Variants in ZNF229 observed in about 807,000 individuals in gnomAD.
ZNF229 encodes the protein zinc finger protein 229.
A neutral mutation model predicts 11.8 loss-of-function variants in ZNF229; 10 were observed. That is an observed-to-expected ratio of 0.85 (90% CI 0.52 to 1.44). ZNF229 has a LOEUF of 1.44. ZNF229 is among the 40% of genes most tolerant of loss of function. The probability of loss-of-function intolerance (pLI) is 0.00; values close to 1 mark genes in which losing one functional copy is unlikely to be tolerated. For missense variants in ZNF229, 1,045 were observed against 1,015.1 expected (o/e 1.03, Z -0.40); for synonymous variants, 368 against 374.8 (o/e 0.98, Z 0.21).
At chr19:44,447,172 C>G (rs1972017060) in intron 2 of ZNF229, among the ~76,000 whole-genome samples, 2 of 152,170 alleles carry the variant, frequency 1.3e-5, no homozygotes, top group Admixed American at 1.3e-4. Context: ...ATTGGCAAGC[C>G]TGGCACTGTC....
At chr19:44,439,984 T>C (rs1350952184) in intron 4 of ZNF229, among the ~76,000 whole-genome samples, 1 of 152,064 alleles carries the variant, frequency 6.6e-6, no homozygotes, top group African/African-American at 2.4e-5. Context: ...ATACTATGAG[T>C]GAGTATGGCA....
At chr19:44,441,851 C>T (rs1971915849) in intron 4 of ZNF229, among the ~76,000 whole-genome samples, 1 of 152,208 alleles carries the variant, frequency 6.6e-6, no homozygotes, top group African/African-American at 2.4e-5. Context: ...AATACTCCTG[C>T]AGCTGTGTGG....
chr19:44,446,434 T>A (rs1487404410), intron 2 of ZNF229, among the ~76,000 whole-genome samples: 1 of 152,182 alleles, frequency 6.6e-6, no homozygotes, highest in Non-Finnish European at 1.5e-5. Flanking sequence ...AGGAGAGACT[T>A]AACCTTTTGA....
intron 2 of ZNF229, among the ~76,000 whole-genome samples, chr19:44,444,211 G>A (rs753064171): frequency 6.6e-5 from 10 of 152,160 alleles, no homozygotes; most frequent in Non-Finnish European, 1.5e-4. Flanking sequence ...GTGGACATGA[G>A]TTTCCACCCT....
Position 44,429,244 on chromosome 19 carries a change from C to T in ZNF229, c.1537G>A (p.Gly513Arg). Residue 513 changes from glycine to arginine, a missense_variant, in exon 6 of 6, where the codon GGG becomes AGG. Transcript: ENST00000614049. ...YLQAHQRVHM[G>R]QHLYKCNVCG... ...ACGTTACATTTGTACAGATGCTGCC[C>T]CATGTGAACTCTCTGGTGAGCTTGA... The T allele has an allele frequency of 6.2e-7, 1 of 1,613,976 alleles. No individual in the cohort carries two copies. Among genetic ancestry groups the T allele is most frequent in the Non-Finnish European group, 8.5e-7 (1 of 1,180,004 alleles).
At position 44,429,274 on chromosome 19, in the gene ZNF229, AC is replaced by A; in HGVS notation, c.1506del (p.Tyr503ThrfsTer317). 1 of 1,613,880 alleles carries A rather than the reference AC, an allele frequency of 6.2e-7. No individual in the cohort carries two copies. Reference protein sequence around the residue: ...DKCGKGFSHNSYLQAHQRVHM... With the variant: ...DKCGKGFSHNXYLQAHQRVHM... Reference sequence around the variant, plus strand: ...TGAACTCTCTGGTGAGCTTGAAGGTACGAGTTGTGACTGAAACCTTTGCCAC... The same window carrying A: ...TGAACTCTCTGGTGAGCTTGAAGGTAGAGTTGTGACTGAAACCTTTGCCAC... On this transcript the variant is annotated frameshift_variant, in exon 6 of 6. Coordinates refer to ENST00000614049, the MANE Select transcript of ZNF229 (RefSeq NM_014518.4). LOFTEE classifies it low-confidence loss of function (END_TRUNC).
intron 5 of ZNF229, chr19:44,431,927 CT>C: frequency 1.5e-6 from 1 of 645,808 alleles, no homozygotes; most frequent in Non-Finnish European, 2.0e-6. Flanking sequence ...AATTAGTGTC[CT>C]TAGAAAACAG....
At chr19:44,434,824 T>G (rs2123356993) in intron 4 of ZNF229, among the ~76,000 whole-genome samples, 1 of 152,320 alleles carries the variant, frequency 6.6e-6, no homozygotes, top group South Asian at 2.1e-4. Context: ...ATGGTTTGTC[T>G]CTGTCCCCAC....
At chr19:44,441,125 A>G (rs1398518479) in intron 4 of ZNF229, among the ~76,000 whole-genome samples, 2 of 152,178 alleles carry the variant, frequency 1.3e-5, no homozygotes, top group Non-Finnish European at 2.9e-5. Context: ...AAATTGAGGC[A>G]ACCAACAAAT....
rs1971639780 is a variant in ZNF229, at chr19:44,428,871, A to G, written c.1910T>C (p.Phe637Ser). The G allele has an allele frequency of 6.2e-7, 1 of 1,613,268 alleles. No individual in the cohort carries two copies. Among genetic ancestry groups the G allele is most frequent in the Non-Finnish European group, 8.5e-7 (1 of 1,179,864 alleles). ...PYKCAECGKGFSYSSGLLIHQ... is the reference protein window; with the variant it reads ...PYKCAECGKGSSYSSGLLIHQ... ...AATGAGAAGCCCTGAGCTGTAACTG[A>G]AGCCTTTGCCACACTCAGCACATTT... is the stretch of plus-strand genomic sequence containing the variant. The change falls in exon 6 of 6, where the codon TTC becomes TCC. Residue 637 changes from phenylalanine to serine, a missense_variant. By Grantham distance (155) the Phe-to-Ser change is radical. Transcript: ENST00000614049.
intron 4 of ZNF229, among the ~76,000 whole-genome samples, chr19:44,438,846 C>G (rs1490493481): frequency 6.6e-6 from 1 of 152,182 alleles, no homozygotes; most frequent in African/African-American, 2.4e-5. Flanking sequence ...TACCTTTGCC[C>G]CATGCATCTC....
intron 2 of ZNF229, 148 bp from the exon 3 acceptor site, chr19:44,443,172 T>C: frequency 2.8e-6 from 1 of 363,120 alleles, no homozygotes; most frequent in Middle Eastern, 7.8e-4. Flanking sequence ...AAGGGGCTCA[T>C]AGTCCACAAA....
At position 44,427,140 on chromosome 19, in the gene ZNF229, T is replaced by C. The variant is rs1971588184; in HGVS notation, c.*1163A>G. On this transcript the variant is annotated 3_prime_UTR_variant, in exon 6 of 6. Transcript: ENST00000614049. Reference sequence around the variant, plus strand: ...GGAGAAATCTGCCCTCGTGATCCAATCATCTCCCACCAAGGCCCTCCTCTG... The same window carrying C: ...GGAGAAATCTGCCCTCGTGATCCAACCATCTCCCACCAAGGCCCTCCTCTG... 6.6e-6 allele frequency: 1 copy of C among 151,714 alleles called. No individual in the cohort carries two copies. Among genetic ancestry groups the C allele is most frequent in the South Asian group, 2.1e-4 (1 of 4,804 alleles). The allele number at this position is 151,714 out of a possible 1,614,324, so 9.4% of individuals were successfully genotyped here.
chr19:44,442,482 T>C (rs1971929360), intron 4 of ZNF229, 81 bp downstream of exon 4: 1 of 1,498,954 alleles, frequency 6.7e-7, no homozygotes. Flanking sequence ...TTTCGCTCTT[T>C]TTCCTTTTAC....
chr19:44,440,877 C>T (rs1319333546), intron 4 of ZNF229, among the ~76,000 whole-genome samples: 5 of 151,966 alleles, frequency 3.3e-5, no homozygotes, highest in Admixed American at 2.6e-4. Flanking sequence ...GAATGCACCA[C>T]CACACCCAGC....
intron 4 of ZNF229, among the ~76,000 whole-genome samples, chr19:44,440,501 T>C (rs779901549): frequency 2.6e-5 from 4 of 151,970 alleles, no homozygotes; most frequent in African/African-American, 7.3e-5. Flanking sequence ...TAAAGTGTGA[T>C]CCATGAAAAT....
In ZNF229 at chr19:44,429,537, C is replaced by A. The variant is rs374854876; in HGVS notation, c.1244G>T (p.Ser415Ile). 6.2e-7 allele frequency: 1 copy of A among 1,612,106 alleles called. No individual in the cohort carries two copies. The highest frequency in any genetic ancestry group is 1.3e-5 in the African/African-American group (1 of 74,742). The change falls in exon 6 of 6, where the codon AGT becomes ATT. Residue 415 changes from serine to isoleucine, a missense_variant. Ser to Ile is a moderately radical substitution (Grantham distance 142). Coordinates refer to ENST00000614049, the MANE Select transcript of ZNF229 (RefSeq NM_014518.4). The stretch of plus-strand genomic sequence containing the variant: ...ATGGACTTGAAGCACTGAGCTGTAA[C>A]TGAAGCCCTTCCCACACTCGCTGCA... ...YKCSECGKGF[S>I]YSSVLQVHQR... is the part of the protein sequence containing the mutation.
intron 4 of ZNF229, among the ~76,000 whole-genome samples, chr19:44,432,911 G>C (rs957397612): frequency 6.6e-6 from 1 of 151,822 alleles, no homozygotes; most frequent in Non-Finnish European, 1.5e-5. Flanking sequence ...AAAAAAAGAA[G>C]ACAAGATAGC....
At position 44,442,820 on chromosome 19, in the gene ZNF229, T is replaced by C. The variant is rs1006802747; in HGVS notation, c.28A>G (p.Lys10Glu). 6.2e-7 allele frequency: 1 copy of C among 1,612,390 alleles called. No individual in the cohort carries two copies. The highest frequency in any genetic ancestry group is 1.1e-5 in the South Asian group (1 of 90,936). The stretch of plus-strand genomic sequence containing the variant: ...CCCCTCTATTAGCTGTCACCTCTTT[T>C]CTCATGCCTTGAGGTCAAAGTCTCC... METLTSRHE[K>E]RALHSQASAI... is the part of the protein sequence containing the mutation. The change falls in exon 3 of 6, where the codon AAA becomes GAA. Residue 10 changes from lysine to glutamate, a missense_variant. Physicochemically the swap from Lys to Glu is moderately conservative, Grantham distance 56. Coordinates refer to ENST00000614049, the MANE Select transcript of ZNF229 (RefSeq NM_014518.4).
Sources: gnomAD v4.1 joint callset for allele counts (sites outside exome capture counted in the v4.1 genomes callset) on GRCh38, gnomAD v4.1.1 for gene constraint, MANE v1.5 for transcripts, NCBI Gene and HGNC (gene_info 2026-07-23, HGNC 2026-07-21) for gene names.